Variants in SSBP2 observed in about 807,000 individuals in gnomAD.
SSBP2 encodes single-stranded DNA-binding protein 2.
In SSBP2, 17 loss-of-function variants were observed where a neutral mutation model predicts 61.8. The observed-to-expected ratio is 0.28, with a 90% CI of 0.19 to 0.41. The LOEUF is 0.41. Among genes scored for constraint, SSBP2 ranks in the 10% least tolerant of loss-of-function variants. The pLI, the probability that SSBP2 is intolerant of heterozygous loss-of-function variation, is 1.00. For synonymous variants in SSBP2, 139 were observed against 141.3 expected, an observed-to-expected ratio of 0.98 and a Z score of 0.12; for missense variants, 310 against 458.7, an observed-to-expected ratio of 0.68 and a Z score of 2.96.
At chr5:81,583,497 G>C (rs977162034) in intron 4 of SSBP2, among the ~76,000 whole-genome samples, 1 of 152,014 alleles carries the variant, frequency 6.6e-6, no homozygotes, top group African/African-American at 2.4e-5. Flanking sequence ...GGGCATGGTG[G>C]CAGGCGCCTG....
chr5:81,451,366 C>T (rs1049934174), intron 10 of SSBP2, among the ~76,000 whole-genome samples: 6 of 151,782 alleles, frequency 4.0e-5, no homozygotes, highest in African/African-American at 1.5e-4. Flanking sequence ...CCAAAGGTAG[C>T]TTTTCTCAAC....
At chr5:81,746,786 G>C (rs193272776) in intron 1 of SSBP2, among the ~76,000 whole-genome samples, 90 of 152,202 alleles carry the variant, frequency 5.9e-4, no homozygotes, top group African/African-American at 2.0e-3. Context: ...TATATATTAT[G>C]TGTATCTTTT....
At chr5:81,456,086 TTAAAAA>T (rs1764125500) in intron 10 of SSBP2, among the ~76,000 whole-genome samples, 1 of 152,226 alleles carries the variant, frequency 6.6e-6, no homozygotes, top group African/African-American at 2.4e-5. Flanking sequence ...CCACATGAAA[TTAAAAA>T]TATTCTATTT....
intron 1 of SSBP2, among the ~76,000 whole-genome samples, chr5:81,742,642 G>A (rs2154022808): frequency 6.6e-6 from 1 of 152,280 alleles, no homozygotes; most frequent in African/African-American, 2.4e-5. Flanking sequence ...TTGGGAGGCT[G>A]AGGCAGGTGG....
chr5:81,653,518 G>A (rs1749937660), intron 1 of SSBP2, among the ~76,000 whole-genome samples: 1 of 152,086 alleles, frequency 6.6e-6, no homozygotes, highest in Non-Finnish European at 1.5e-5. Flanking sequence ...TTGAGGAATC[G>A]CCACACTGTC....
At chr5:81,513,781 A>C (rs2154083821) in intron 4 of SSBP2, 64 bp from the exon 5 acceptor site, 1 of 1,002,694 alleles carries the variant, frequency 1.0e-6, no homozygotes, top group Non-Finnish European at 1.6e-6. Context: ...CCAAAGACTA[A>C]TGATAATAGA....
intron 1 of SSBP2, among the ~76,000 whole-genome samples, chr5:81,652,392 A>G (rs372754563): frequency 4.6e-5 from 7 of 151,476 alleles, no homozygotes; most frequent in African/African-American, 7.3e-5. Flanking sequence ...TTCTCTCTCT[A>G]TAAGTCTAAA....
chr5:81,519,418 T>C (rs1769285299), intron 4 of SSBP2, among the ~76,000 whole-genome samples: 1 of 152,142 alleles, frequency 6.6e-6, no homozygotes, highest in Admixed American at 6.6e-5. Flanking sequence ...CACTGCTAAG[T>C]AGACCACAAA....
At chr5:81,449,858 G>A (rs1763653446) in intron 10 of SSBP2, among the ~76,000 whole-genome samples, 1 of 152,134 alleles carries the variant, frequency 6.6e-6, no homozygotes, top group South Asian at 2.1e-4. Context: ...GAGTAATTCA[G>A]CACTGCAGAT....
chr5:81,659,774 C>T lies in SSBP2; in HGVS notation c.63-9435G>A, dbSNP rs933635374. Reference sequence around the variant, plus strand: ...TACCTGACTTCAAACTATACTATAACGCTATAGTATAGCAAAACGGCTATA... The same window carrying T: ...TACCTGACTTCAAACTATACTATAATGCTATAGTATAGCAAAACGGCTATA... On this transcript the variant is annotated intron_variant, in intron 1 of 16. Coordinates refer to ENST00000320672, the MANE Select transcript of SSBP2 (RefSeq NM_012446.5). Among the ~76,000 whole-genome samples the T allele has an allele frequency of 9.2e-5, 14 of 151,828 alleles. No individual in the cohort carries two copies. In the East Asian group the frequency reaches 1.4e-3, roughly 15 times the overall value.
intron 6 of SSBP2, 23 bp downstream of exon 6, chr5:81,489,227 C>T: frequency 6.3e-7 from 1 of 1,594,096 alleles, no homozygotes; most frequent in Non-Finnish European, 8.6e-7. Flanking sequence ...TTACAAAAAA[C>T]TTACATAGCA....
At chr5:81,677,415 CA>C (rs1404901797) in intron 1 of SSBP2, among the ~76,000 whole-genome samples, 1 of 151,960 alleles carries the variant, frequency 6.6e-6, no homozygotes, top group Non-Finnish European at 1.5e-5. Context: ...AACAAACAAA[CA>C]AAAAACCCTG....
chr5:81,633,433 C>T (rs1482774863), intron 3 of SSBP2, among the ~76,000 whole-genome samples: 1 of 152,080 alleles, frequency 6.6e-6, no homozygotes, highest in East Asian at 1.9e-4. Flanking sequence ...TTCTCCTTTA[C>T]AGCCTCTTCT....
intron 4 of SSBP2, among the ~76,000 whole-genome samples, chr5:81,528,497 A>T (rs1770132869): frequency 6.6e-6 from 1 of 152,034 alleles, no homozygotes. Context: ...TAAATATGAA[A>T]TGTCAACTGT....
chr5:81,471,804 C>T (rs1432370077), intron 8 of SSBP2, among the ~76,000 whole-genome samples: 1 of 151,752 alleles, frequency 6.6e-6, no homozygotes, highest in Non-Finnish European at 1.5e-5. Flanking sequence ...GTTCCTCTTT[C>T]CTTGGAACTG....
intron 13 of SSBP2, among the ~76,000 whole-genome samples, chr5:81,441,983 G>A (rs1228609291): frequency 6.6e-6 from 1 of 152,070 alleles, no homozygotes; most frequent in South Asian, 2.1e-4. Context: ...AGGTATGTAT[G>A]TTTGGTCAGT....
chr5:81,453,928 T>G (rs1355982325), intron 10 of SSBP2, among the ~76,000 whole-genome samples: 4 of 152,200 alleles, frequency 2.6e-5, no homozygotes, highest in South Asian at 2.1e-4. Context: ...ATGTTAGGTA[T>G]GATGAGGATA....
At position 81,418,099 on chromosome 5, in the gene SSBP2, G is replaced by T. The variant is rs1008185951; in HGVS notation, c.*2405C>A. On this transcript the variant is annotated 3_prime_UTR_variant, in exon 17 of 17. Transcript: ENST00000320672. ...GTCAACAAAATATTTGAAAATTCTA[G>T]CATTATAAGATTAAGCTTAATAATC... The T allele has an allele frequency of 2.0e-5, 3 of 152,166 alleles. No homozygotes were observed. Among genetic ancestry groups the T allele is most frequent in the Admixed American group, 1.3e-4 (2 of 15,280 alleles). 9.4% of individuals were successfully genotyped at this position (152,166 alleles called of 1,614,324 possible).
At chr5:81,500,825 GCTTA>G (rs1011005407) in intron 5 of SSBP2, among the ~76,000 whole-genome samples, 4 of 152,030 alleles carry the variant, frequency 2.6e-5, no homozygotes, top group Non-Finnish European at 4.4e-5. Context: ...TGAAACTAGA[GCTTA>G]CTAATTTGAC....
Sources: allele counts gnomAD v4.1 joint callset (sites outside exome capture counted in the v4.1 genomes callset), GRCh38; gene constraint gnomAD v4.1.1; transcripts MANE v1.5; gene names NCBI Gene and HGNC (gene_info 2026-07-23, HGNC 2026-07-21).